CALHM5: variants seen among roughly 807,000 people sequenced by gnomAD.
The protein encoded by CALHM5 is calcium homeostasis modulator protein 5.
Under a neutral mutation model 20.9 loss-of-function variants are expected in CALHM5, and 17 were observed. The observed-to-expected ratio is 0.82, with a 90% CI of 0.56 to 1.22. The LOEUF is 1.22. Ranked by LOEUF, CALHM5 falls within the 50% of genes most tolerant of loss-of-function variation. The probability of loss-of-function intolerance (pLI) is 0.00; values close to 1 mark genes in which losing one functional copy is unlikely to be tolerated. For synonymous variants in CALHM5, 148 were observed against 140.0 expected, an observed-to-expected ratio of 1.06 and a Z score of -0.40; for missense variants, 360 against 364.6, an observed-to-expected ratio of 0.99 and a Z score of 0.10.
Position 116,518,336 on chromosome 6 carries a change from A to G in CALHM5, c.*2347A>G, listed in dbSNP as rs1261542081. 6.6e-6 allele frequency: 1 copy of G among 152,216 alleles called. No individual in the cohort carries two copies. The highest frequency in any genetic ancestry group is 2.4e-5 in the African/African-American group (1 of 41,452). 9.4% of individuals were successfully genotyped at this position (152,216 alleles called of 1,614,324 possible). A position where few individuals can be genotyped will look rare whatever the true frequency, so the allele number is the denominator to read the frequency against. On this transcript the variant is annotated 3_prime_UTR_variant, in exon 2 of 2. Coordinates refer to ENST00000368599, the MANE Select transcript of CALHM5 (RefSeq NM_153711.5). ...TCCAGTTGGTATTGGAGAATTGGCC[A>G]GTGTGGGAGAAAACCCACACAGTTG... is the stretch of plus-strand genomic sequence containing the variant.
In CALHM5 at chr6:116,518,713, C is replaced by T. The variant is rs564286075; in HGVS notation, c.*2724C>T. 2.0e-5 allele frequency: 3 copies of T among 152,314 alleles called. No homozygotes were observed. The East Asian group carries it at 5.8e-4, about 29-fold the overall frequency. The allele number at this position is 152,314 out of a possible 1,614,324, so 9.4% of individuals were successfully genotyped here. A position where few individuals can be genotyped will look rare whatever the true frequency, so the allele number is the denominator to read the frequency against. On this transcript the variant is annotated 3_prime_UTR_variant, in exon 2 of 2. Coordinates refer to ENST00000368599, the MANE Select transcript of CALHM5 (RefSeq NM_153711.5). ...ACAGAAGTAGGTTAGCTGTAAGGAGCTGAGGATTGAGGAGTCATATCTGGG... is the reference window on the plus strand; with the variant it reads ...ACAGAAGTAGGTTAGCTGTAAGGAGTTGAGGATTGAGGAGTCATATCTGGG...
chr6:116,514,921 A>C (rs75458266), intron 1 of CALHM5, among the ~76,000 whole-genome samples: 1 of 152,206 alleles, frequency 6.6e-6, no homozygotes, highest in Non-Finnish European at 1.5e-5. Context: ...AGAGCCAAAA[A>C]AGTTAGAAGA....
chr6:116,516,597 T>G lies in CALHM5; in HGVS notation c.*608T>G. 6.7e-6 allele frequency: 1 copy of G among 149,542 alleles called. No homozygotes were observed. Among genetic ancestry groups the G allele is most frequent in the Non-Finnish European group, 1.5e-5 (1 of 67,468 alleles). 9.3% of individuals were successfully genotyped at this position (149,542 alleles called of 1,614,324 possible). ...CTGGAAGCAGGGCTGCATCATAATT[T>G]TTGTGGGCTTTATGTACTTTTGCCT... On this transcript the variant is annotated 3_prime_UTR_variant, in exon 2 of 2. Transcript: ENST00000368599.
chr6:116,512,268 A>T (rs769441566), intron 1 of CALHM5, 32 bp downstream of exon 1: 9 of 1,564,128 alleles, frequency 5.8e-6, no homozygotes, highest in Non-Finnish European at 5.2e-6. Context: ...TTTTTCTCTC[A>T]GCATGAGCTC....
chr6:116,515,066 A>G (rs1772196520), intron 1 of CALHM5, among the ~76,000 whole-genome samples: 1 of 152,194 alleles, frequency 6.6e-6, no homozygotes, highest in Non-Finnish European at 1.5e-5. Context: ...TAATGATCCT[A>G]ATTTTTTCTC....
Position 116,515,606 on chromosome 6 carries a change from G to A in CALHM5, c.547G>A (p.Gly183Arg), listed in dbSNP as rs758553203. ...LSLQAQSQIL[G>R]WCLICSASFF... Reference sequence around the variant, plus strand: ...ATATTTCTTTCTTCTTAAGATTCTAGGATGGTGCCTGATTTGTTCAGCGTC... The same window carrying A: ...ATATTTCTTTCTTCTTAAGATTCTAAGATGGTGCCTGATTTGTTCAGCGTC... The change falls in exon 2 of 2, where the codon GGA becomes AGA. Residue 183 changes from glycine to arginine, a missense_variant. Coordinates refer to ENST00000368599, the MANE Select transcript of CALHM5 (RefSeq NM_153711.5). The A allele has an allele frequency of 1.9e-6, 3 of 1,607,058 alleles. No individual in the cohort carries two copies. The highest frequency in any genetic ancestry group is 2.7e-5 in the African/African-American group (2 of 74,524).
Position 116,512,204 on chromosome 6 carries a change from G to T in CALHM5, c.508G>T (p.Glu170Ter), listed in dbSNP as rs533816800. ...KTSMLPTVNEELKLSLQAQSQ... is the reference protein window; with the variant it reads ...KTSMLPTVNE ...TAGCATGCTACCTACCGTCAATGAA[G>T]AACTGAAACTCTCCCTTCAGGCCCA... The change falls in exon 1 of 2, where the codon GAA (glutamate) becomes TAA (stop). Residue 170 changes from glutamate to a stop codon, truncating the protein, a stop_gained. Coordinates refer to ENST00000368599, the MANE Select transcript of CALHM5 (RefSeq NM_153711.5). LOFTEE classifies it high-confidence loss of function. 2.7e-5 allele frequency: 44 copies of T among 1,605,260 alleles called. No homozygotes were observed. Among genetic ancestry groups the T allele is most frequent in the Non-Finnish European group, 3.3e-5 (39 of 1,179,192 alleles).
Position 116,521,530 on chromosome 6 carries a change from GAC to G in CALHM5, c.*5543_*5544del, listed in dbSNP as rs1491553135. On this transcript the variant is annotated 3_prime_UTR_variant, in exon 2 of 2. Transcript: ENST00000368599. Reference sequence around the variant, plus strand: ...GTGGAGAGAGAGGGAGAGAGAGAGAGACAGAGAGCAAATTTGCCCATCCTCTC... The same window carrying G: ...GTGGAGAGAGAGGGAGAGAGAGAGAGAGAGAGCAAATTTGCCCATCCTCTC... The G allele has an allele frequency of 1.8e-3, 270 of 151,348 alleles. 1 individual carries two copies. Among genetic ancestry groups the G allele is most frequent in the South Asian group, 9.8e-3 (47 of 4,776 alleles). The allele number at this position is 151,348 out of a possible 1,614,324, so 9.4% of individuals were successfully genotyped here.
At position 116,515,890 on chromosome 6, in the gene CALHM5, C is replaced by G; in HGVS notation, c.831C>G (p.His277Gln). 1 of 1,613,942 alleles carries G rather than the reference C, an allele frequency of 6.2e-7. No individual in the cohort carries two copies. Among genetic ancestry groups the G allele is most frequent in the Non-Finnish European group, 8.5e-7 (1 of 1,179,900 alleles). ...ELHSFHQSQQ[H>Q]YSTLHRVVDN... ...ATTCTTTCCACCAAAGCCAGCAACA[C>G]TATAGCACCCTCCACAGAGTGGTGG... The change falls in exon 2 of 2, where the codon CAC becomes CAG. Residue 277 changes from histidine to glutamine, a missense_variant. His to Gln is a conservative substitution (Grantham distance 24). Coordinates refer to ENST00000368599, the MANE Select transcript of CALHM5 (RefSeq NM_153711.5).
In CALHM5 at chr6:116,524,534, T is replaced by A. The variant is rs1174833807; in HGVS notation, c.*8545T>A. 6.6e-6 allele frequency: 1 copy of A among 152,252 alleles called. No individual in the cohort carries two copies. The highest frequency in any genetic ancestry group is 1.5e-5 in the Non-Finnish European group (1 of 68,042). The allele number at this position is 152,252 out of a possible 1,614,324, so 9.4% of individuals were successfully genotyped here. A position where few individuals can be genotyped will look rare whatever the true frequency, so the allele number is the denominator to read the frequency against. ...TACATGAGTGTATTGTAAGCATTAC[T>A]TCATTGTCTTTTGTCATTGAATATT... On this transcript the variant is annotated 3_prime_UTR_variant, in exon 2 of 2. Transcript: ENST00000368599.
chr6:116,515,154 G>A (rs76288479), intron 1 of CALHM5, among the ~76,000 whole-genome samples: 2 of 152,070 alleles, frequency 1.3e-5, no homozygotes, highest in Non-Finnish European at 2.9e-5. Context: ...AGTAATGACA[G>A]AAAAAAATTA....
Position 116,516,352 on chromosome 6 carries a change from A to T in CALHM5, c.*363A>T, listed in dbSNP as rs1423596699. The T allele has an allele frequency of 5.9e-6, 1 of 170,214 alleles. No homozygotes were observed. Among genetic ancestry groups the T allele is most frequent in the Non-Finnish European group, 1.3e-5 (1 of 79,780 alleles). The allele number at this position is 170,214 out of a possible 1,614,324, so 10.5% of individuals were successfully genotyped here. The stretch of plus-strand genomic sequence containing the variant: ...AGAAGCAATGGCTTGTGAGTGAGCA[A>T]GTTACTCTTAACATAGGTTGCCCTA... On this transcript the variant is annotated 3_prime_UTR_variant, in exon 2 of 2. Transcript: ENST00000368599.
Position 116,520,105 on chromosome 6 carries a change from A to G in CALHM5, c.*4116A>G, listed in dbSNP as rs950564558. On this transcript the variant is annotated 3_prime_UTR_variant, in exon 2 of 2. Transcript: ENST00000368599. ...GTTTTCTACTTGAGACCTTTAAAGC[A>G]TCACTAAAAATGTATACATTTAATG... The G allele has an allele frequency of 6.6e-6, 1 of 152,208 alleles. No homozygotes were observed. Among genetic ancestry groups the G allele is most frequent in the Non-Finnish European group, 1.5e-5 (1 of 68,034 alleles). 9.4% of individuals were successfully genotyped at this position (152,208 alleles called of 1,614,324 possible).
chr6:116,515,355 G>T (rs754439251), intron 1 of CALHM5, among the ~76,000 whole-genome samples: 1 of 152,074 alleles, frequency 6.6e-6, no homozygotes, highest in Non-Finnish European at 1.5e-5. Context: ...CTGCCTTCTG[G>T]TTATTTCTTT....
In CALHM5 at chr6:116,517,415, A is replaced by G. The variant is rs1406981589; in HGVS notation, c.*1426A>G. 1 of 152,210 alleles carries G rather than the reference A, an allele frequency of 6.6e-6. No homozygotes were observed. Among genetic ancestry groups the G allele is most frequent in the Non-Finnish European group, 1.5e-5 (1 of 68,032 alleles). 9.4% of individuals were successfully genotyped at this position (152,210 alleles called of 1,614,324 possible). On this transcript the variant is annotated 3_prime_UTR_variant, in exon 2 of 2. Transcript: ENST00000368599. ...TATATATGTGTATGTATATATGTACATAAATTCTCCTTAAATCTCTGAGAA... is the reference window on the plus strand; with the variant it reads ...TATATATGTGTATGTATATATGTACGTAAATTCTCCTTAAATCTCTGAGAA...
In CALHM5 at chr6:116,516,262, AACAG is replaced by A. The variant is rs1772222627; in HGVS notation, c.*280_*283del. ...TCCAAGATCTAAGATTTTATCATTC[AACAG>A]ACAGACTCATGTGAGAGGGCTCATC... On this transcript the variant is annotated 3_prime_UTR_variant, in exon 2 of 2. Transcript: ENST00000368599. 2 of 318,152 alleles carry A rather than the reference AACAG, an allele frequency of 6.3e-6. No homozygotes were observed. Among genetic ancestry groups the A allele is most frequent in the East Asian group, 1.0e-4 (2 of 19,146 alleles). The allele number at this position is 318,152 out of a possible 1,614,324, so 19.7% of individuals were successfully genotyped here. A position where few individuals can be genotyped will look rare whatever the true frequency, so the allele number is the denominator to read the frequency against.
rs778729645 is a variant in CALHM5 at position 116,515,881 on chromosome 6, C to A, written c.822C>A (p.Ser274Arg). The A allele has an allele frequency of 6.2e-7, 1 of 1,613,938 alleles. No individual in the cohort carries two copies. The highest frequency in any genetic ancestry group is 8.5e-7 in the Non-Finnish European group (1 of 1,179,918). The change falls in exon 2 of 2, where the codon AGC (serine) becomes AGA (arginine). Residue 274 changes from serine (S) to arginine (R), a missense_variant. Ser to Arg is a moderately radical substitution (Grantham distance 110, BLOSUM62 -1). Transcript: ENST00000368599. ...CAGAGCTGCATTCTTTCCACCAAAG[C>A]CAGCAACACTATAGCACCCTCCACA... ...AASELHSFHQ[S>R]QQHYSTLHRV...
chr6:116,521,056 G>GTATA lies in CALHM5; in HGVS notation c.*5072_*5075dup, dbSNP rs1772327128. ...GAGAAACAGAACCAACAGTACAACA[G>GTATA]TATATATACATACATACATATATAT... On this transcript the variant is annotated 3_prime_UTR_variant, in exon 2 of 2. Coordinates refer to ENST00000368599, the MANE Select transcript of CALHM5 (RefSeq NM_153711.5). 1 of 151,724 alleles carries GTATA rather than the reference G, an allele frequency of 6.6e-6. No individual in the cohort carries two copies. Among genetic ancestry groups the GTATA allele is most frequent in the Non-Finnish European group, 1.5e-5 (1 of 67,980 alleles). The allele number at this position is 151,724 out of a possible 1,614,324, so 9.4% of individuals were successfully genotyped here.
rs926043925 is a variant in CALHM5 at position 116,515,517 on chromosome 6, T to G, written c.541-83T>G. ...TATGTCAAAGACTGTGGTAATAATT[T>G]AGCTATACACTTCTCAATAATACCC... On this transcript the variant is annotated intron_variant, in intron 1 of 1. Transcript: ENST00000368599. The G allele has an allele frequency of 2.2e-6, 3 of 1,361,454 alleles. No individual in the cohort carries two copies. The African/African-American group carries it at 4.4e-5, about 20-fold the overall frequency. The allele number at this position is 1,361,454 out of a possible 1,614,324, so 84.3% of individuals were successfully genotyped here. A position where few individuals can be genotyped will look rare whatever the true frequency, so the allele number is the denominator to read the frequency against.
Sources: gnomAD v4.1 joint callset for allele counts (sites outside exome capture counted in the v4.1 genomes callset) on GRCh38, gnomAD v4.1.1 for gene constraint, MANE v1.5 for transcripts, NCBI Gene and HGNC (gene_info 2026-07-23, HGNC 2026-07-21) for gene names.